TMBIM4: variants seen among roughly 807,000 people sequenced by gnomAD.
TMBIM4 encodes the protein protein lifeguard 4.
In TMBIM4, 28 loss-of-function variants were observed where a neutral mutation model predicts 27.7. The ratio of observed to expected loss-of-function variants is 1.01; its 90% confidence interval spans 0.75 to 1.38. The LOEUF is 1.38. TMBIM4 is among the 40% of genes most tolerant of loss of function. The pLI, the probability that TMBIM4 is intolerant of heterozygous loss-of-function variation, is 0.00. For synonymous variants in TMBIM4, 115 were observed against 113.1 expected (o/e 1.02, Z -0.11); for missense variants, 265 against 277.5 (o/e 0.95, Z 0.32).
chr12:66,153,499 A>G, intron 1 of TMBIM4, 51 bp from the exon 2 acceptor site: 2 of 1,113,758 alleles, frequency 1.8e-6, no homozygotes, highest in Non-Finnish European at 2.6e-6. Flanking sequence ...TTTATCATAG[A>G]ACAGTAAAAT....
intron 3 of TMBIM4, among the ~76,000 whole-genome samples, chr12:66,148,961 G>C (rs2051796215): frequency 6.6e-6 from 1 of 152,146 alleles, no homozygotes. Flanking sequence ...AATAAAGGCA[G>C]TGGCTGTATA....
intron 1 of TMBIM4, among the ~76,000 whole-genome samples, chr12:66,156,495 G>T (rs528677883): frequency 1.3e-5 from 2 of 150,556 alleles, no homozygotes; most frequent in African/African-American, 5.0e-5. Context: ...TCTCTCACCT[G>T]GACCACTGGA....
rs1565779727 is a variant in TMBIM4 at position 66,136,146 on chromosome 12, G to A, written c.*1814C>T. On this transcript the variant is annotated 3_prime_UTR_variant, in exon 7 of 7. Coordinates refer to ENST00000358230, the MANE Select transcript of TMBIM4 (RefSeq NM_016056.4). ...TGACATTAATTAAGCACTTAGTTTA[G>A]TTTATTTATCTATCTCATTTAATCC... 1 of 146,320 alleles carries A rather than the reference G, an allele frequency of 6.8e-6. No individual in the cohort carries two copies. Among genetic ancestry groups the A allele is most frequent in the African/African-American group, 2.5e-5 (1 of 40,472 alleles). 9.1% of individuals were successfully genotyped at this position (146,320 alleles called of 1,614,324 possible). A position where few individuals can be genotyped will look rare whatever the true frequency, so the allele number is the denominator to read the frequency against.
chr12:66,145,323 T>C (rs2051733979), intron 5 of TMBIM4: 1 of 152,190 alleles, frequency 6.6e-6, no homozygotes, highest in Admixed American at 6.6e-5. Flanking sequence ...AAAGAGTCTA[T>C]GCATTCCTAC....
chr12:66,165,502 C>T (rs893449541), intron 1 of TMBIM4, among the ~76,000 whole-genome samples: 2 of 151,280 alleles, frequency 1.3e-5, no homozygotes, highest in African/African-American at 2.4e-5. Context: ...GCTGCAGCCT[C>T]GACCTCCCAG....
intron 1 of TMBIM4, chr12:66,160,338 A>G (rs915161624): frequency 8.2e-6 from 5 of 610,440 alleles, no homozygotes; most frequent in African/African-American, 5.6e-5. Flanking sequence ...AAATGCACAT[A>G]CTCTTTTGAC....
chr12:66,150,714 C>A (rs892717144), intron 3 of TMBIM4, among the ~76,000 whole-genome samples: 1 of 152,154 alleles, frequency 6.6e-6, no homozygotes, highest in African/African-American at 2.4e-5. Flanking sequence ...CACGCCTGGA[C>A]CAGATTCTTT....
At chr12:66,161,378 T>C (rs1390557396) in intron 1 of TMBIM4, among the ~76,000 whole-genome samples, 2 of 152,092 alleles carry the variant, frequency 1.3e-5, no homozygotes, top group Non-Finnish European at 2.9e-5. Context: ...GTAGCTGGGA[T>C]TACAGACACA....
At chr12:66,169,240 T>G (rs1166373198) in intron 1 of TMBIM4, 2 of 696,850 alleles carry the variant, frequency 2.9e-6, no homozygotes, top group Non-Finnish European at 5.2e-6. Context: ...ATTCAAAAAT[T>G]TCTGCCCATT....
intron 5 of TMBIM4, among the ~76,000 whole-genome samples, chr12:66,142,459 G>C (rs984486665): frequency 6.6e-5 from 10 of 150,528 alleles, no homozygotes; most frequent in Admixed American, 6.0e-4. Context: ...GATGCATCAA[G>C]CTCCTAGGTC....
At chr12:66,141,357 A>G (rs924533871) in intron 5 of TMBIM4, among the ~76,000 whole-genome samples, 2 of 152,166 alleles carry the variant, frequency 1.3e-5, no homozygotes, top group East Asian at 3.8e-4. Flanking sequence ...AGGATACATA[A>G]AATGGTATAT....
At chr12:66,157,331 G>A (rs1454384571) in intron 1 of TMBIM4, among the ~76,000 whole-genome samples, 1 of 152,088 alleles carries the variant, frequency 6.6e-6, no homozygotes, top group African/African-American at 2.4e-5. Flanking sequence ...CCTATGAATA[G>A]CCCTGTGAGT....
At chr12:66,150,766 T>C (rs1592543129) in intron 3 of TMBIM4, among the ~76,000 whole-genome samples, 1 of 152,070 alleles carries the variant, frequency 6.6e-6, no homozygotes, top group East Asian at 1.9e-4. Flanking sequence ...GCAATGGCAG[T>C]GGGAGCTAAA....
At chr12:66,165,055 G>C (rs2052102037) in intron 1 of TMBIM4, among the ~76,000 whole-genome samples, 1 of 152,044 alleles carries the variant, frequency 6.6e-6, no homozygotes, top group African/African-American at 2.4e-5. Flanking sequence ...AAACACTGAT[G>C]AAAGAAATTA....
intron 1 of TMBIM4, among the ~76,000 whole-genome samples, chr12:66,159,518 C>T (rs779410408): frequency 2.0e-5 from 3 of 152,108 alleles, no homozygotes; most frequent in Non-Finnish European, 4.4e-5. Flanking sequence ...GTCAGAACTA[C>T]CTGGGTAAGA....
chr12:66,168,073 T>G (rs534773702), intron 1 of TMBIM4, among the ~76,000 whole-genome samples: 1 of 151,798 alleles, frequency 6.6e-6, no homozygotes, highest in Admixed American at 6.6e-5. Context: ...ACAAAAAAAT[T>G]AGCCAGGCCT....
chr12:66,148,464 G>T (rs748985900), intron 3 of TMBIM4, among the ~76,000 whole-genome samples: 1 of 152,138 alleles, frequency 6.6e-6, no homozygotes, highest in African/African-American at 2.4e-5. Context: ...CTCTAGGTCT[G>T]ACTACGTAAC....
intron 4 of TMBIM4, 99 bp downstream of exon 4, chr12:66,147,809 T>G: frequency 1.2e-6 from 1 of 861,610 alleles, no homozygotes; most frequent in South Asian, 1.8e-5. Context: ...AATATGATAT[T>G]CCATGATGTT....
intron 1 of TMBIM4, among the ~76,000 whole-genome samples, chr12:66,166,479 AAAAAAGAAAAAG>A (rs1205730975): frequency 1.6e-5 from 2 of 126,158 alleles, no homozygotes; most frequent in Non-Finnish European, 3.5e-5. Flanking sequence ...AAAAAAAAAA[AAAAAAGAAAAAG>A]AAAAAGAAAA....
Sources: allele counts gnomAD v4.1 joint callset (sites outside exome capture counted in the v4.1 genomes callset), GRCh38; gene constraint gnomAD v4.1.1; transcripts MANE v1.5; gene names NCBI Gene and HGNC (gene_info 2026-07-23, HGNC 2026-07-21).